Variants in INPP4B observed in about 807,000 individuals in gnomAD.
The protein encoded by INPP4B is inositol polyphosphate 4-phosphatase type II.
Under a neutral mutation model 122.5 loss-of-function variants are expected in INPP4B, and 55 were observed. The ratio of observed to expected loss-of-function variants is 0.45; its 90% CI spans 0.36 to 0.56. INPP4B has a LOEUF of 0.56. Ranked by LOEUF, INPP4B falls within the 20% of genes least tolerant of loss-of-function variation. The pLI, the probability that INPP4B is intolerant of heterozygous loss-of-function variation, is 0.00. For synonymous variants in INPP4B, 403 were observed against 388.7 expected (o/e 1.04, Z -0.43); for missense variants, 1,000 against 1,097.7 (o/e 0.91, Z 1.26).
chr4:142,167,767 A>G (rs1289158512), intron 16 of INPP4B, among the ~76,000 whole-genome samples: 1 of 151,668 alleles, frequency 6.6e-6, no homozygotes, highest in Non-Finnish European at 1.5e-5. Flanking sequence ...TGTTTGAATT[A>G]ATAAAAAAAT....
chr4:142,741,486 A>G (rs757771671), intron 1 of INPP4B, among the ~76,000 whole-genome samples: 1 of 152,052 alleles, frequency 6.6e-6, no homozygotes, highest in South Asian at 2.1e-4. Context: ...AATACTGGGG[A>G]TTACATTTCA....
intron 7 of INPP4B, among the ~76,000 whole-genome samples, chr4:142,326,846 T>G (rs1772572302): frequency 6.6e-6 from 1 of 152,242 alleles, no homozygotes. Flanking sequence ...AGTTCTGTGT[T>G]GCATTATTAT....
At chr4:142,634,986 T>C (rs1052602049) in intron 2 of INPP4B, among the ~76,000 whole-genome samples, 1 of 152,028 alleles carries the variant, frequency 6.6e-6, no homozygotes, top group East Asian at 1.9e-4. Context: ...ATATCCAGCA[T>C]CTATAACGAA....
In INPP4B at chr4:142,745,394, T is replaced by C. The variant is rs572868572; in HGVS notation, c.-253-19493A>G. On this transcript the variant is annotated intron_variant, in intron 1 of 25. Transcript: ENST00000262992. ...GACTAAACAAGGGGTCAAAAAACTA[T>C]GTCCTGCAGGAAAAATCTTGCCTAC... Among the ~76,000 whole-genome samples, 4 of 151,952 alleles carry C rather than the reference T, an allele frequency of 2.6e-5. No homozygotes were observed. In the East Asian group the frequency reaches 5.8e-4, roughly 22 times the overall value.
chr4:142,185,042 A>G (rs2152989926), intron 15 of INPP4B, among the ~76,000 whole-genome samples: 1 of 152,304 alleles, frequency 6.6e-6, no homozygotes, highest in Non-Finnish European at 1.5e-5. Flanking sequence ...GAAGGACGGT[A>G]ATTAAGAGGT....
At chr4:142,290,540 T>A (rs570228609) in intron 9 of INPP4B, among the ~76,000 whole-genome samples, 29 of 152,054 alleles carry the variant, frequency 1.9e-4, no homozygotes, top group Non-Finnish European at 3.2e-4. Context: ...CATGCACTGC[T>A]CACTCAACTC....
chr4:142,440,215 T>A (rs1283210385), intron 3 of INPP4B, among the ~76,000 whole-genome samples: 3 of 152,156 alleles, frequency 2.0e-5, no homozygotes, highest in Non-Finnish European at 4.4e-5. Flanking sequence ...TTTAAAAGAA[T>A]TCAGTCTTAG....
intron 2 of INPP4B, among the ~76,000 whole-genome samples, chr4:142,627,425 C>T (rs1335491865): frequency 6.9e-6 from 1 of 144,196 alleles, no homozygotes; most frequent in Non-Finnish European, 1.5e-5. Flanking sequence ...GAGATACGTC[C>T]CATCAATACC....
intron 7 of INPP4B, among the ~76,000 whole-genome samples, chr4:142,392,580 G>A (rs1798081702): frequency 6.6e-6 from 1 of 152,164 alleles, no homozygotes. Flanking sequence ...ATTGCCAGGA[G>A]GCTTTCACTC....
chr4:142,515,704 T>C (rs901328292), intron 2 of INPP4B, among the ~76,000 whole-genome samples: 1 of 152,164 alleles, frequency 6.6e-6, no homozygotes, highest in Non-Finnish European at 1.5e-5. Flanking sequence ...ATATAATTCA[T>C]ATGTGTAAGG....
intron 1 of INPP4B, among the ~76,000 whole-genome samples, chr4:142,765,556 C>T (rs550497070): frequency 3.9e-5 from 6 of 152,206 alleles, no homozygotes; most frequent in African/African-American, 1.4e-4. Context: ...TCCCCACTCT[C>T]CTCCAAACAA....
intron 2 of INPP4B, among the ~76,000 whole-genome samples, chr4:142,563,996 C>T (rs529312824): frequency 1.8e-4 from 28 of 152,280 alleles, no homozygotes; most frequent in Admixed American, 5.9e-4. Flanking sequence ...TTCCAACCCA[C>T]GGATTTATGA....
chr4:142,515,130 A>T (rs930767260), intron 2 of INPP4B, among the ~76,000 whole-genome samples: 1 of 152,158 alleles, frequency 6.6e-6, no homozygotes, highest in African/African-American at 2.4e-5. Context: ...GTATATAAAG[A>T]TCTTAGTAGT....
At chr4:142,357,064 T>C (rs951567097) in intron 7 of INPP4B, among the ~76,000 whole-genome samples, 4 of 152,050 alleles carry the variant, frequency 2.6e-5, no homozygotes, top group Admixed American at 1.3e-4. Context: ...CCTTGCCCTA[T>C]TTACCTCTTC....
intron 7 of INPP4B, among the ~76,000 whole-genome samples, chr4:142,375,403 G>A (rs770502015): frequency 1.5e-4 from 22 of 151,010 alleles, no homozygotes; most frequent in African/African-American, 1.9e-4. Flanking sequence ...TTTATTTCTC[G>A]AGTCATTTTC....
At chr4:142,170,728 G>A (rs749411903) in intron 16 of INPP4B, among the ~76,000 whole-genome samples, 16 of 151,778 alleles carry the variant, frequency 1.1e-4, no homozygotes, top group Admixed American at 6.6e-4. Flanking sequence ...CTTCAACATC[G>A]TAATAACCAC....
intron 1 of INPP4B, among the ~76,000 whole-genome samples, chr4:142,828,372 T>C (rs967584469): frequency 8.5e-5 from 13 of 152,104 alleles, no homozygotes; most frequent in African/African-American, 3.1e-4. Context: ...GATTTCTGCC[T>C]ATCAGAAAAG....
chr4:142,706,133 A>G (rs1762442206), intron 2 of INPP4B, among the ~76,000 whole-genome samples: 1 of 152,198 alleles, frequency 6.6e-6, no homozygotes, highest in African/African-American at 2.4e-5. Context: ...ACATCTCCAA[A>G]CTTTGCAAAT....
intron 25 of INPP4B, among the ~76,000 whole-genome samples, chr4:142,060,837 T>C (rs1203655958): frequency 6.6e-6 from 1 of 152,186 alleles, no homozygotes; most frequent in East Asian, 1.9e-4. Flanking sequence ...ACTGTACAAC[T>C]GGAAGGAAAA....
Sources: allele counts gnomAD v4.1 joint callset (sites outside exome capture counted in the v4.1 genomes callset), GRCh38; gene constraint gnomAD v4.1.1; transcripts MANE v1.5; gene names NCBI Gene and HGNC (gene_info 2026-07-23, HGNC 2026-07-21).